KCTD14: variants seen among roughly 807,000 people sequenced by gnomAD.
The protein encoded by KCTD14 is BTB/POZ domain-containing protein KCTD14.
Under a neutral mutation model 5.9 loss-of-function variants are expected in KCTD14, and 7 were observed. The ratio of observed to expected loss-of-function variants is 1.19; its 90% CI spans 0.68 to 2.23. The LOEUF is 2.23. Ranked by LOEUF, KCTD14 falls within the 30% of genes most tolerant of loss-of-function variation. The pLI, the probability that KCTD14 is intolerant of heterozygous loss-of-function variation, is 0.00. For missense variants in KCTD14, 342 were observed against 332.2 expected (o/e 1.03, Z -0.23); for synonymous variants, 140 against 133.1 (o/e 1.05, Z -0.36).
chr11:78,022,023 G>A (rs1446520155), intron 1 of KCTD14, among the ~76,000 whole-genome samples: 1 of 152,136 alleles, frequency 6.6e-6, no homozygotes, highest in South Asian at 2.1e-4. Context: ...TTCGGGGTGG[G>A]TTGTCTCACT....
chr11:78,039,836 T>G (rs760305323), intron 1 of KCTD14, among the ~76,000 whole-genome samples: 1 of 152,160 alleles, frequency 6.6e-6, no homozygotes, highest in African/African-American at 2.4e-5. Flanking sequence ...CTTTTTAAAA[T>G]GGCGACAGAG....
intron 1 of KCTD14, among the ~76,000 whole-genome samples, chr11:78,040,476 T>C (rs1261184189): frequency 2.0e-5 from 3 of 151,984 alleles, no homozygotes; most frequent in Non-Finnish European, 4.4e-5. Context: ...TGCTGTTTTC[T>C]TCCTCTTTTG....
Position 78,023,152 on chromosome 11 carries a change from G to C in KCTD14, c.90+8C>G, listed in dbSNP as rs1047692245. ...GAGGCGCGGGGACGCAGCTAGCCTC[G>C]CACTTACCGTTGGCCGCCTGGGCCG... On this transcript the variant is annotated splice_region_variant and intron_variant, in intron 1 of 1. Transcript: ENST00000353172. The C allele has an allele frequency of 1.9e-6, 3 of 1,560,676 alleles. No individual in the cohort carries two copies. Among genetic ancestry groups the C allele is most frequent in the Non-Finnish European group, 1.7e-6 (2 of 1,147,812 alleles).
intron 1 of KCTD14, among the ~76,000 whole-genome samples, chr11:78,044,194 C>G (rs2136766532): frequency 6.6e-6 from 1 of 152,304 alleles, no homozygotes; most frequent in Non-Finnish European, 1.5e-5. Context: ...CACCTCTAAC[C>G]AGGTGAGCGA....
upstream of KCTD14, among the ~76,000 whole-genome samples, chr11:78,025,118 GTATATATATATATATATATATATATATA>G (rs369374652): frequency 2.2e-5 from 1 of 44,484 alleles, no homozygotes; most frequent in African/African-American, 6.9e-5. Context: ...GTGTGTGTGT[GTATATATATATATATATATATATATATA>G]TATATATATA....
chr11:78,018,523 A>G (rs1371850478), intron 1 of KCTD14, among the ~76,000 whole-genome samples: 1 of 152,138 alleles, frequency 6.6e-6, no homozygotes, highest in Non-Finnish European at 1.5e-5. Flanking sequence ...CCTGGCCAAC[A>G]TGGTGAAACC....
At chr11:78,042,556 T>C (rs1339859832) in intron 1 of KCTD14, among the ~76,000 whole-genome samples, 4 of 152,118 alleles carry the variant, frequency 2.6e-5, no homozygotes, top group Admixed American at 1.3e-4. Flanking sequence ...CCCTAACCTA[T>C]GCGCTTTGAA....
chr11:78,020,370 C>A (rs7937238), intron 1 of KCTD14, among the ~76,000 whole-genome samples: 1 of 151,962 alleles, frequency 6.6e-6, no homozygotes, highest in South Asian at 2.1e-4. Context: ...CAAAGTCAAC[C>A]GAACTGCTGG....
intron 1 of KCTD14, among the ~76,000 whole-genome samples, chr11:78,044,495 C>T (rs1242215948): frequency 2.6e-5 from 4 of 152,086 alleles, no homozygotes; most frequent in South Asian, 2.1e-4. Context: ...TAGGTTCTTC[C>T]GCCCACTGCA....
intron 2 of KCTD14, among the ~76,000 whole-genome samples, chr11:78,031,924 G>T (rs1035766222): frequency 6.6e-6 from 1 of 152,222 alleles, no homozygotes; most frequent in African/African-American, 2.4e-5. Context: ...GAGCCCATAG[G>T]TAATGGTGGA....
At chr11:78,023,537 C>A, upstream of KCTD14, 1 of 396,920 alleles carries the variant, frequency 2.5e-6, no homozygotes, top group Non-Finnish European at 4.6e-6. Context: ...TTTTCAGAGA[C>A]AGGGTCTCAC....
At chr11:78,031,029 G>A (rs1857596612) in intron 2 of KCTD14, among the ~76,000 whole-genome samples, 3 of 150,890 alleles carry the variant, frequency 2.0e-5, no homozygotes, top group African/African-American at 7.3e-5. Flanking sequence ...TCAGAATAAC[G>A]CTGATAGCAA....
intron 2 of KCTD14, among the ~76,000 whole-genome samples, chr11:78,038,490 A>G (rs1057474157): frequency 9.2e-5 from 14 of 152,056 alleles, no homozygotes; most frequent in African/African-American, 3.1e-4. Context: ...ACCTCTCCCA[A>G]CTTGTCCTCC....
At chr11:78,026,138 G>T (rs1432034910), upstream of KCTD14, among the ~76,000 whole-genome samples, 1 of 152,112 alleles carries the variant, frequency 6.6e-6, no homozygotes, top group Non-Finnish European at 1.5e-5. Context: ...TATATTCAAG[G>T]AGACATAAGA....
chr11:78,020,658 A>G (rs970312875), intron 1 of KCTD14, among the ~76,000 whole-genome samples: 9 of 152,202 alleles, frequency 5.9e-5, no homozygotes, highest in African/African-American at 2.2e-4. Context: ...CTCCTACACC[A>G]CTGAAAGCTC....
At chr11:78,045,569 A>G (rs1394485536) in intron 1 of KCTD14, among the ~76,000 whole-genome samples, 1 of 152,182 alleles carries the variant, frequency 6.6e-6, no homozygotes, top group African/African-American at 2.4e-5. Flanking sequence ...GGCTGCTATC[A>G]TTTAAACTAT....
upstream of KCTD14, among the ~76,000 whole-genome samples, chr11:78,026,244 C>G (rs1013525907): frequency 6.6e-6 from 1 of 152,096 alleles, no homozygotes; most frequent in African/African-American, 2.4e-5. Flanking sequence ...TGAGACCAGC[C>G]TGGCCAACAT....
At chr11:78,029,697 A>G (rs929524962) in intron 2 of KCTD14, among the ~76,000 whole-genome samples, 1 of 152,178 alleles carries the variant, frequency 6.6e-6, no homozygotes, top group African/African-American at 2.4e-5. Flanking sequence ...CATAAAGTTC[A>G]GCCAGAATAA....
At chr11:78,023,291 C>T (rs371714618), upstream of KCTD14, 1 of 1,595,380 alleles carries the variant, frequency 6.3e-7, no homozygotes, top group Admixed American at 1.7e-5. Context: ...GGCTGCCCGC[C>T]CCTAGGTGGG....
Sources: gnomAD v4.1 joint callset for allele counts (sites outside exome capture counted in the v4.1 genomes callset) on GRCh38, gnomAD v4.1.1 for gene constraint, MANE v1.5 for transcripts, NCBI Gene and HGNC (gene_info 2026-07-23, HGNC 2026-07-21) for gene names.